GARRE1: variants seen among roughly 807,000 people sequenced by gnomAD.
The protein encoded by GARRE1 is granule associated Rac and RHOG effector 1, also known as granule associated Rac and RHOG effector protein 1.
In GARRE1, 49 loss-of-function variants were observed where a neutral mutation model predicts 103.2. The observed-to-expected ratio is 0.47, with a 90% CI of 0.38 to 0.60. The LOEUF is 0.60. GARRE1 is among the 20% of genes least tolerant of loss of function. GARRE1 has a pLI of 0.00. For missense variants in GARRE1, 1,199 were observed against 1,370.5 expected, an observed-to-expected ratio of 0.87 and a Z score of 1.98; for synonymous variants, 505 against 532.8, an observed-to-expected ratio of 0.95 and a Z score of 0.72.
At chr19:34,313,932 T>C (rs1215773243) in intron 2 of GARRE1, among the ~76,000 whole-genome samples, 7 of 152,020 alleles carry the variant, frequency 4.6e-5, no homozygotes, top group Non-Finnish European at 1.0e-4. Flanking sequence ...TCCCGAGTAG[T>C]TGGAATCACA....
At chr19:34,313,576 T>A (rs1400601766) in intron 2 of GARRE1, among the ~76,000 whole-genome samples, 1 of 152,200 alleles carries the variant, frequency 6.6e-6, no homozygotes, top group African/African-American at 2.4e-5. Flanking sequence ...AGGATAATGT[T>A]CATGGAGACT....
At chr19:34,303,769 C>T (rs1159453129) in intron 2 of GARRE1, among the ~76,000 whole-genome samples, 1 of 151,940 alleles carries the variant, frequency 6.6e-6, no homozygotes, top group African/African-American at 2.4e-5. Context: ...GCGCCCACCA[C>T]CATGTCTGGC....
chr19:34,349,122 C>A lies in GARRE1; in HGVS notation c.2794C>A (p.Pro932Thr), dbSNP rs1191853875. The change falls in exon 12 of 14, where the codon CCT becomes ACT. Residue 932 changes from proline (P) to threonine (T), a missense_variant. Transcript: ENST00000299505. ...GDSLFSMFSG[P>T]DLVAAVKQRR... ...CAGCTTGTTCTCCATGTTTTCAGGG[C>A]CTGACCTCGTTGCTGCTGTCAAGCA... 1 of 1,612,746 alleles carries A rather than the reference C, an allele frequency of 6.2e-7. No homozygotes were observed. Among genetic ancestry groups the A allele is most frequent in the Non-Finnish European group, 8.5e-7 (1 of 1,180,014 alleles).
intron 2 of GARRE1, among the ~76,000 whole-genome samples, chr19:34,303,999 G>T (rs2073994242): frequency 6.6e-6 from 1 of 152,124 alleles, no homozygotes; most frequent in African/African-American, 2.4e-5. Context: ...CTATGGATGG[G>T]GTTTGGCCGA....
intron 8 of GARRE1, among the ~76,000 whole-genome samples, chr19:34,334,268 T>G (rs1238489659): frequency 6.6e-6 from 1 of 152,192 alleles, no homozygotes; most frequent in African/African-American, 2.4e-5. Context: ...ATATTATATT[T>G]GTAACACTTA....
At chr19:34,309,399 C>T (rs186849418) in intron 2 of GARRE1, among the ~76,000 whole-genome samples, 165 of 152,272 alleles carry the variant, frequency 1.1e-3, no homozygotes, top group African/African-American at 3.9e-3. Context: ...AGCTTGAACA[C>T]ATACTGAGTC....
At position 34,342,196 on chromosome 19, in the gene GARRE1, G is replaced by A. The variant is rs755256216; in HGVS notation, c.2262G>A (p.Gly754=). The part of the protein sequence containing the change: ...QQPPPQPRAP[G]KWVHGSSQQP... Reference sequence around the variant, plus strand: ...CCCCGCCCCAGCCTCGGGCACCTGGGAAATGGGTACATGGCTCATCCCAGC... The same window carrying A: ...CCCCGCCCCAGCCTCGGGCACCTGGAAAATGGGTACATGGCTCATCCCAGC... Residue 754 remains glycine, a synonymous_variant, in exon 10 of 14, where the codon GGG becomes GGA. Coordinates refer to ENST00000299505, the MANE Select transcript of GARRE1 (RefSeq NM_014686.5). 2.0e-5 allele frequency: 33 copies of A among 1,614,088 alleles called. No homozygotes were observed. Among genetic ancestry groups the A allele is most frequent in the Non-Finnish European group, 2.5e-6 (3 of 1,180,054 alleles).
Position 34,355,304 on chromosome 19 carries a change from T to A in GARRE1, c.*2349T>A, listed in dbSNP as rs1038878788. On this transcript the variant is annotated 3_prime_UTR_variant, in exon 14 of 14. Coordinates refer to ENST00000299505, the MANE Select transcript of GARRE1 (RefSeq NM_014686.5). ...TTGTGTGGTCTCCATGTAGGTGCTG[T>A]GTTCCCGGCACCGCCTTGCTCTGAA... 2 of 152,718 alleles carry A rather than the reference T, an allele frequency of 1.3e-5. No homozygotes were observed. Among genetic ancestry groups the A allele is most frequent in the Admixed American group, 6.5e-5 (1 of 15,290 alleles). The allele number at this position is 152,718 out of a possible 1,614,324, so 9.5% of individuals were successfully genotyped here.
chr19:34,309,699 G>A (rs193076028), intron 2 of GARRE1, among the ~76,000 whole-genome samples: 16 of 152,248 alleles, frequency 1.1e-4, no homozygotes, highest in Admixed American at 9.2e-4. Context: ...TTTTGTGTAC[G>A]TTTGGACCTT....
At chr19:34,268,804 G>A (rs1842861741) in intron 1 of GARRE1, among the ~76,000 whole-genome samples, 1 of 151,600 alleles carries the variant, frequency 6.6e-6, no homozygotes, top group Admixed American at 6.6e-5. Flanking sequence ...CTTAAAAGAA[G>A]AAAGAAAAAA....
chr19:34,281,929 T>C (rs1436401658), intron 1 of GARRE1, among the ~76,000 whole-genome samples: 1 of 152,204 alleles, frequency 6.6e-6, no homozygotes, highest in East Asian at 1.9e-4. Context: ...TTGTCTTTGT[T>C]CTTCTCTATA....
intron 1 of GARRE1, among the ~76,000 whole-genome samples, chr19:34,274,194 T>C (rs1395792678): frequency 3.3e-5 from 5 of 151,828 alleles, no homozygotes; most frequent in African/African-American, 4.8e-5. Context: ...TCACCTGAGG[T>C]TGGGAGTTCG....
intron 3 of GARRE1, among the ~76,000 whole-genome samples, chr19:34,327,001 A>G: frequency 6.6e-6 from 1 of 151,976 alleles, no homozygotes. Context: ...CTAAAAATAC[A>G]AAACTCAACC....
chr19:34,255,873 C>T (rs563464103), intron 1 of GARRE1, among the ~76,000 whole-genome samples: 13 of 151,792 alleles, frequency 8.6e-5, no homozygotes, highest in Non-Finnish European at 1.8e-4. Context: ...AGACAGTCTC[C>T]CTCTGTCACC....
chr19:34,305,713 T>C (rs990986170), intron 2 of GARRE1, among the ~76,000 whole-genome samples: 4 of 152,210 alleles, frequency 2.6e-5, no homozygotes, highest in Non-Finnish European at 5.9e-5. Context: ...CAGTACCTGC[T>C]TTGTTTCTTC....
chr19:34,282,694 T>C (rs1357036376), intron 1 of GARRE1, among the ~76,000 whole-genome samples: 2 of 152,180 alleles, frequency 1.3e-5, no homozygotes, highest in Non-Finnish European at 2.9e-5. Flanking sequence ...AATAGTCCTC[T>C]TGCCTTAGTG....
At chr19:34,338,271 C>T (rs2074169895) in intron 8 of GARRE1, among the ~76,000 whole-genome samples, 1 of 152,086 alleles carries the variant, frequency 6.6e-6, no homozygotes, top group South Asian at 2.1e-4. Flanking sequence ...CCAAGTGGCT[C>T]ACACCCGTAA....
At chr19:34,307,582 T>A (rs890185128) in intron 2 of GARRE1, among the ~76,000 whole-genome samples, 5 of 147,036 alleles carry the variant, frequency 3.4e-5, no homozygotes, top group Non-Finnish European at 7.5e-5. Context: ...TATATGTATG[T>A]ATATATATAC....
chr19:34,254,712 G>A (rs2073659243), intron 1 of GARRE1, 98 bp downstream of exon 1: 1 of 147,196 alleles, frequency 6.8e-6, no homozygotes, highest in Admixed American at 6.8e-5. Context: ...CAGGGCAGAC[G>A]GCGAGACGGG....
Sources: gnomAD v4.1 joint callset for allele counts (sites outside exome capture counted in the v4.1 genomes callset) on GRCh38, gnomAD v4.1.1 for gene constraint, MANE v1.5 for transcripts, NCBI Gene and HGNC (gene_info 2026-07-23, HGNC 2026-07-21) for gene names.